ESRRG: variants seen among roughly 807,000 people sequenced by gnomAD.
The protein encoded by ESRRG is estrogen related receptor gamma.
A neutral mutation model predicts 44.0 loss-of-function variants in ESRRG; 13 were observed. The ratio of observed to expected loss-of-function variants is 0.30; its 90% confidence interval spans 0.19 to 0.47. The LOEUF (loss-of-function observed/expected upper bound fraction) is 0.47, where lower values mean the gene tolerates loss of function less well. Among genes scored for constraint, ESRRG ranks in the 20% least tolerant of loss-of-function variants. ESRRG has a pLI of 1.00. For missense variants in ESRRG, 395 were observed against 580.6 expected, an observed-to-expected ratio of 0.68 and a Z score of 3.29; for synonymous variants, 215 against 214.6, an observed-to-expected ratio of 1.00 and a Z score of -0.02.
intron 2 of ESRRG, among the ~76,000 whole-genome samples, chr1:216,790,802 G>T (rs1044230532): frequency 6.6e-6 from 1 of 152,096 alleles, no homozygotes; most frequent in African/African-American, 2.4e-5. Context: ...ATCCATGTTT[G>T]GTAGAGGACA....
At chr1:216,606,810 G>A (rs560532806) in intron 3 of ESRRG, among the ~76,000 whole-genome samples, 1 of 152,242 alleles carries the variant, frequency 6.6e-6, no homozygotes, top group South Asian at 2.1e-4. Context: ...GCATACATAG[G>A]TCAGGTTGAG....
chr1:216,559,866 A>G (rs1407710577), intron 5 of ESRRG, among the ~76,000 whole-genome samples: 3 of 152,190 alleles, frequency 2.0e-5, no homozygotes, highest in African/African-American at 7.2e-5. Context: ...TTTAGCAATA[A>G]ATATTTACAC....
At chr1:216,933,502 A>C (rs138303199) in intron 2 of ESRRG, among the ~76,000 whole-genome samples, 1 of 152,224 alleles carries the variant, frequency 6.6e-6, no homozygotes, top group East Asian at 1.9e-4. Flanking sequence ...TACTCCCTCC[A>C]TGGCTGATTT....
chr1:217,067,919 C>T lies in ESRRG; in HGVS notation c.-106+21588G>A, dbSNP rs536837789. 7.9e-5 allele frequency among the ~76,000 whole-genome samples: 12 copies of T among 152,260 alleles called. 1 individual carries two copies. The South Asian group carries it at 1.9e-3, about 24-fold the overall frequency. ...AGCCAATTCCCCTAAGGGTATTAGT[C>T]GCTTTGATGAAAGAATGTTGCACCA... On this transcript the variant is annotated intron_variant, in intron 1 of 7. Coordinates refer to the ESRRG transcript ENST00000359162.
At chr1:217,109,616 T>C (rs1316066882) in intron 1 of ESRRG, among the ~76,000 whole-genome samples, 1 of 152,116 alleles carries the variant, frequency 6.6e-6, no homozygotes, top group Non-Finnish European at 1.5e-5. Flanking sequence ...AACCATACAT[T>C]TCCCCCTACC....
chr1:216,654,316 C>T (rs2069836007), intron 2 of ESRRG, among the ~76,000 whole-genome samples: 1 of 151,766 alleles, frequency 6.6e-6, no homozygotes, highest in African/African-American at 2.4e-5. Flanking sequence ...GAAAATCATT[C>T]CACAAATAAC....
intron 2 of ESRRG, among the ~76,000 whole-genome samples, chr1:216,787,500 G>A (rs950027797): frequency 6.6e-6 from 1 of 151,288 alleles, no homozygotes; most frequent in African/African-American, 2.4e-5. Flanking sequence ...CTACTTGGGA[G>A]GCTGAGGCAG....
rs957170851 is a variant in ESRRG, at chr1:217,115,124, G to A, written c.-230+22543C>T. ...AAAAATTCCTTCTCTCATCTTTTAG[G>A]GAAAATATGACTAGGCATTTATTCT... On this transcript the variant is annotated intron_variant, in intron 1 of 8. Coordinates refer to the ESRRG transcript ENST00000366940. 2.6e-5 allele frequency among the ~76,000 whole-genome samples: 4 copies of A among 152,206 alleles called. No individual in the cohort carries two copies. The East Asian group carries it at 7.7e-4, about 29-fold the overall frequency.
At chr1:217,048,991 A>G (rs757967101) in intron 1 of ESRRG, among the ~76,000 whole-genome samples, 19 of 152,056 alleles carry the variant, frequency 1.2e-4, no homozygotes, top group Non-Finnish European at 2.5e-4. Context: ...CAAGCCCTTC[A>G]TAATCAGGCA....
intron 1 of ESRRG, among the ~76,000 whole-genome samples, chr1:216,697,259 C>A (rs976216507): frequency 6.6e-6 from 1 of 152,172 alleles, no homozygotes; most frequent in African/African-American, 2.4e-5. Context: ...AGCCACTGCA[C>A]CTGGCCCCAA....
At chr1:216,962,841 C>A (rs1054752120) in intron 1 of ESRRG, among the ~76,000 whole-genome samples, 1 of 152,074 alleles carries the variant, frequency 6.6e-6, no homozygotes, top group Non-Finnish European at 1.5e-5. Flanking sequence ...TAGAAAATAG[C>A]AACTGAGAAC....
intron 2 of ESRRG, among the ~76,000 whole-genome samples, chr1:216,757,431 T>C (rs1179865635): frequency 6.6e-6 from 1 of 152,082 alleles, no homozygotes; most frequent in South Asian, 2.1e-4. Context: ...ATTAATATAT[T>C]TCTTTGTGTA....
chr1:217,098,581 G>A (rs952034012), intron 1 of ESRRG, among the ~76,000 whole-genome samples: 7 of 152,252 alleles, frequency 4.6e-5, no homozygotes, highest in Admixed American at 1.3e-4. Flanking sequence ...TTTGAAGGTT[G>A]CTACAGAGAA....
At chr1:216,714,135 C>G (rs1167731456) in intron 1 of ESRRG, among the ~76,000 whole-genome samples, 1 of 152,096 alleles carries the variant, frequency 6.6e-6, no homozygotes. Flanking sequence ...GTATCCCAAA[C>G]TGACAACAAT....
chr1:216,709,341 G>GTA (rs1483599909), intron 1 of ESRRG, among the ~76,000 whole-genome samples: 154 of 42,764 alleles, frequency 3.6e-3, no homozygotes, highest in African/African-American at 6.4e-3. Context: ...GTGTGTGTGT[G>GTA]TGTATATATA....
chr1:216,734,084 T>C (rs1246981571), intron 2 of ESRRG, among the ~76,000 whole-genome samples: 1 of 151,960 alleles, frequency 6.6e-6, no homozygotes, highest in Non-Finnish European at 1.5e-5. Context: ...CTCCTCTGTG[T>C]CCTATCATGC....
intron 2 of ESRRG, among the ~76,000 whole-genome samples, chr1:216,770,176 T>C (rs932410027): frequency 1.3e-5 from 2 of 152,026 alleles, no homozygotes; most frequent in Non-Finnish European, 2.9e-5. Flanking sequence ...GTGAGTCTTT[T>C]GGTGGGCTAA....
chr1:216,666,669 C>A (rs1489405889), intron 2 of ESRRG, among the ~76,000 whole-genome samples: 2 of 152,200 alleles, frequency 1.3e-5, no homozygotes, highest in Non-Finnish European at 2.9e-5. Flanking sequence ...TTATGGATGG[C>A]ATGTCCTCTG....
intron 1 of ESRRG, among the ~76,000 whole-genome samples, chr1:217,030,427 C>G (rs141620227): frequency 2.5e-4 from 38 of 152,310 alleles, no homozygotes; most frequent in South Asian, 6.2e-4. Flanking sequence ...TTAGGTTTAA[C>G]TATGAAAAAC....
Sources: allele counts gnomAD v4.1 joint callset (sites outside exome capture counted in the v4.1 genomes callset), GRCh38; gene constraint gnomAD v4.1.1; transcripts MANE v1.5; gene names NCBI Gene and HGNC (gene_info 2026-07-23, HGNC 2026-07-21).